The following GPC5 variants were observed in gnomAD, a reference collection of about 807,000 sequenced individuals.
GPC5 encodes the protein glypican-5.
A neutral mutation model predicts 53.9 loss-of-function variants in GPC5; 47 were observed. The ratio of observed to expected loss-of-function variants is 0.87; its 90% CI spans 0.69 to 1.11. GPC5 has a LOEUF of 1.11. Among genes scored for constraint, GPC5 ranks in the 50% most tolerant of loss-of-function variants. The pLI is 0.00. For synonymous variants in GPC5, 286 were observed against 263.3 expected, an observed-to-expected ratio of 1.09 and a Z score of -0.84; for missense variants, 748 against 713.1, an observed-to-expected ratio of 1.05 and a Z score of -0.56.
At chr13:92,227,474 C>G (rs1330503856) in intron 7 of GPC5, among the ~76,000 whole-genome samples, 1 of 152,136 alleles carries the variant, frequency 6.6e-6, no homozygotes, top group Non-Finnish European at 1.5e-5. Context: ...AAGTTCCTGT[C>G]TCGTCAAGGG....
chr13:92,031,500 G>A (rs1159353938), intron 6 of GPC5, among the ~76,000 whole-genome samples: 1 of 150,840 alleles, frequency 6.6e-6, no homozygotes, highest in African/African-American at 2.4e-5. Flanking sequence ...ATTCCCACAA[G>A]CAGTGTAGAA....
At chr13:92,369,369 G>C (rs2043632302) in intron 7 of GPC5, among the ~76,000 whole-genome samples, 1 of 152,072 alleles carries the variant, frequency 6.6e-6, no homozygotes, top group Non-Finnish European at 1.5e-5. Context: ...GTAGAAATGA[G>C]GTTTTGCCAT....
At chr13:91,424,531 A>AT (rs1304585226) in intron 1 of GPC5, among the ~76,000 whole-genome samples, 4 of 151,670 alleles carry the variant, frequency 2.6e-5, no homozygotes, top group Non-Finnish European at 5.9e-5. Context: ...CGCCCAGCTA[A>AT]TTTTTTGTAT....
chr13:92,075,046 G>T (rs1195495419), intron 6 of GPC5, among the ~76,000 whole-genome samples: 1 of 152,062 alleles, frequency 6.6e-6, no homozygotes, highest in Non-Finnish European at 1.5e-5. Context: ...TAAAAATTTT[G>T]TGCATATGCC....
intron 7 of GPC5, among the ~76,000 whole-genome samples, chr13:92,787,876 C>CAAAA: frequency 1.2e-5 from 1 of 85,982 alleles, no homozygotes; most frequent in African/African-American, 5.3e-5. Context: ...GACCCTGTCT[C>CAAAA]AAAAAAAAAA....
chr13:92,675,453 C>T (rs534060395), intron 7 of GPC5, among the ~76,000 whole-genome samples: 19 of 152,044 alleles, frequency 1.2e-4, no homozygotes, highest in Admixed American at 3.3e-4. Context: ...TCACCTATTC[C>T]GTTTGACATT....
chr13:92,461,619 A>T (rs1049636107), intron 7 of GPC5, among the ~76,000 whole-genome samples: 1 of 152,180 alleles, frequency 6.6e-6, no homozygotes, highest in African/African-American at 2.4e-5. Context: ...TTTGGGAGGC[A>T]ATTAGGCAAT....
rs1046892903 is a variant in GPC5 at position 92,846,622 on chromosome 13, G to A, written c.1562-19660G>A. Among the ~76,000 whole-genome samples, 3 of 152,122 alleles carry A rather than the reference G, an allele frequency of 2.0e-5. No individual in the cohort carries two copies. In the South Asian group the frequency reaches 6.2e-4, roughly 32 times the overall value. On this transcript the variant is annotated intron_variant, in intron 7 of 7. Coordinates refer to ENST00000377067, the MANE Select transcript of GPC5 (RefSeq NM_004466.6). Reference sequence around the variant, plus strand: ...CGCAGCTTTAGTATTCCATAAACAAGCTAGTATTTGCTAATATTAGTGAGA... The same window carrying A: ...CGCAGCTTTAGTATTCCATAAACAAACTAGTATTTGCTAATATTAGTGAGA...
At chr13:92,389,345 C>T (rs1417044785) in intron 7 of GPC5, among the ~76,000 whole-genome samples, 1 of 152,082 alleles carries the variant, frequency 6.6e-6, no homozygotes, top group Non-Finnish European at 1.5e-5. Context: ...AAGATGTGTC[C>T]TGTTTCTACT....
chr13:91,925,977 C>T (rs2039763417), intron 6 of GPC5, among the ~76,000 whole-genome samples: 1 of 152,094 alleles, frequency 6.6e-6, no homozygotes, highest in South Asian at 2.1e-4. Context: ...ATGGCTTACA[C>T]ATAGTAGATG....
At chr13:92,797,200 A>G (rs1876716206) in intron 7 of GPC5, among the ~76,000 whole-genome samples, 2 of 151,982 alleles carry the variant, frequency 1.3e-5, no homozygotes, top group South Asian at 4.1e-4. Context: ...CAAAATGTCA[A>G]AGCTAATAAT....
At chr13:91,921,979 A>G (rs1168165539) in intron 6 of GPC5, among the ~76,000 whole-genome samples, 1 of 152,050 alleles carries the variant, frequency 6.6e-6, no homozygotes, top group African/African-American at 2.4e-5. Flanking sequence ...CTCAAAACCA[A>G]ACAGAAACCA....
At chr13:92,573,838 A>G (rs1451355604) in intron 7 of GPC5, among the ~76,000 whole-genome samples, 1 of 152,130 alleles carries the variant, frequency 6.6e-6, no homozygotes. Context: ...GCAGCATACC[A>G]ATGTCTTCAT....
intron 7 of GPC5, among the ~76,000 whole-genome samples, chr13:92,389,202 C>T (rs752117097): frequency 3.3e-5 from 5 of 151,894 alleles, no homozygotes; most frequent in South Asian, 2.1e-4. Context: ...TTATTTATAG[C>T]GGAGGAAACA....
intron 2 of GPC5, among the ~76,000 whole-genome samples, chr13:91,668,922 G>C (rs965540325): frequency 6.6e-6 from 1 of 152,136 alleles, no homozygotes; most frequent in Non-Finnish European, 1.5e-5. Flanking sequence ...TTTTTATAAA[G>C]TGAAAATAGG....
At chr13:91,432,727 G>A (rs1879594815) in intron 1 of GPC5, among the ~76,000 whole-genome samples, 2 of 151,942 alleles carry the variant, frequency 1.3e-5, no homozygotes, top group Non-Finnish European at 2.9e-5. Flanking sequence ...CCTGTATTTT[G>A]TGAAGTAAAA....
intron 1 of GPC5, among the ~76,000 whole-genome samples, chr13:91,421,117 T>C (rs1878600267): frequency 6.6e-6 from 1 of 152,228 alleles, no homozygotes; most frequent in Non-Finnish European, 1.5e-5. Context: ...CATTACAAAT[T>C]AACATCATCT....
chr13:92,381,833 A>G (rs2043742080), intron 7 of GPC5, among the ~76,000 whole-genome samples: 1 of 82,956 alleles, frequency 1.2e-5, no homozygotes, highest in Non-Finnish European at 2.7e-5. Flanking sequence ...AATCATATAT[A>G]TTATATTGTA....
chr13:91,638,367 T>C (rs867381415), intron 2 of GPC5, among the ~76,000 whole-genome samples: 15 of 151,444 alleles, frequency 9.9e-5, no homozygotes, highest in African/African-American at 3.4e-4. Context: ...TTCTTTTTCT[T>C]TTTTTTTTCT....
Sources: gnomAD v4.1 joint callset for allele counts (sites outside exome capture counted in the v4.1 genomes callset) on GRCh38, gnomAD v4.1.1 for gene constraint, MANE v1.5 for transcripts, NCBI Gene and HGNC (gene_info 2026-07-23, HGNC 2026-07-21) for gene names.